CCDC85A: variants seen among roughly 807,000 people sequenced by gnomAD.
CCDC85A encodes the protein coiled-coil domain containing 85A, also known as coiled-coil domain-containing protein 85A.
In CCDC85A, 38 loss-of-function variants were observed where a neutral mutation model predicts 50.2. The ratio of observed to expected loss-of-function variants is 0.76; its 90% CI spans 0.58 to 0.99. The LOEUF is 0.99. Ranked by LOEUF, CCDC85A falls within the 50% of genes least tolerant of loss-of-function variation. The probability of loss-of-function intolerance (pLI) is 0.00; values close to 1 mark genes in which losing one functional copy is unlikely to be tolerated. For synonymous variants in CCDC85A, 366 were observed against 301.4 expected, an observed-to-expected ratio of 1.21 and a Z score of -2.22; for missense variants, 820 against 742.0, an observed-to-expected ratio of 1.11 and a Z score of -1.22.
chr2:56,287,431 C>T (rs971346686), intron 2 of CCDC85A, among the ~76,000 whole-genome samples: 1 of 152,208 alleles, frequency 6.6e-6, no homozygotes, highest in Non-Finnish European at 1.5e-5. Context: ...TTCATCTTGA[C>T]AGTTTCTCTT....
intron 3 of CCDC85A, among the ~76,000 whole-genome samples, chr2:56,367,960 T>TAGCTTGTCCAAAGTCATAC (rs1553418692): frequency 6.6e-6 from 1 of 151,066 alleles, no homozygotes; most frequent in Non-Finnish European, 1.5e-5. Context: ...AAAGGCCATA[T>TAGCTTGTCCAAAGTCATAC]AGCTTGTCCA....
intron 2 of CCDC85A, among the ~76,000 whole-genome samples, chr2:56,287,993 C>G (rs1378499920): frequency 6.6e-6 from 1 of 152,048 alleles, no homozygotes; most frequent in Non-Finnish European, 1.5e-5. Flanking sequence ...TCTGGGGAAG[C>G]TTTGGGGTCT....
chr2:56,229,000 G>T (rs914730655), intron 2 of CCDC85A, among the ~76,000 whole-genome samples: 16 of 152,134 alleles, frequency 1.1e-4, no homozygotes, highest in Non-Finnish European at 7.3e-5. Context: ...ACAGGAACTG[G>T]ATACCTGTGA....
At chr2:56,193,953 G>A (rs889025455) in intron 2 of CCDC85A, among the ~76,000 whole-genome samples, 2 of 152,164 alleles carry the variant, frequency 1.3e-5, no homozygotes, top group Admixed American at 6.5e-5. Context: ...GCTTGATGCT[G>A]GTCTGCCCAA....
At chr2:56,225,831 C>T (rs186049774) in intron 2 of CCDC85A, among the ~76,000 whole-genome samples, 3 of 152,280 alleles carry the variant, frequency 2.0e-5, no homozygotes, top group East Asian at 1.9e-4. Flanking sequence ...TGATCCTGCT[C>T]TTGTCTCAAG....
At chr2:56,351,291 G>A (rs1193923398) in intron 3 of CCDC85A, among the ~76,000 whole-genome samples, 1 of 151,924 alleles carries the variant, frequency 6.6e-6, no homozygotes, top group Non-Finnish European at 1.5e-5. Flanking sequence ...TTGCTATTGT[G>A]AATAGTGCCG....
intron 2 of CCDC85A, among the ~76,000 whole-genome samples, chr2:56,221,218 C>G (rs1228305855): frequency 6.6e-6 from 1 of 152,010 alleles, no homozygotes; most frequent in Non-Finnish European, 1.5e-5. Context: ...ACAAGGTTCT[C>G]TTGGAATTTA....
intron 2 of CCDC85A, among the ~76,000 whole-genome samples, chr2:56,332,015 T>C (rs1422650735): frequency 3.3e-5 from 5 of 151,608 alleles, no homozygotes; most frequent in Admixed American, 6.6e-5. Context: ...CCGCCGTGCA[T>C]TGCACACAGC....
At chr2:56,280,718 G>C (rs1159987585) in intron 2 of CCDC85A, among the ~76,000 whole-genome samples, 1 of 152,120 alleles carries the variant, frequency 6.6e-6, no homozygotes, top group Non-Finnish European at 1.5e-5. Context: ...ATGAGGTGGA[G>C]GTGGGAGGCA....
chr2:56,281,364 G>T (rs1259409564), intron 2 of CCDC85A, among the ~76,000 whole-genome samples: 1 of 151,924 alleles, frequency 6.6e-6, no homozygotes, highest in African/African-American at 2.4e-5. Flanking sequence ...CTAGTTTTTG[G>T]CTGTTCTGAA....
intron 2 of CCDC85A, among the ~76,000 whole-genome samples, chr2:56,228,618 T>C (rs527924760): frequency 6.6e-6 from 1 of 152,170 alleles, no homozygotes; most frequent in South Asian, 2.1e-4. Flanking sequence ...CTGCAAGCTC[T>C]GCCTCCCAGG....
chr2:56,333,333 A>G (rs1278824118), intron 2 of CCDC85A, among the ~76,000 whole-genome samples: 2 of 152,176 alleles, frequency 1.3e-5, no homozygotes, highest in African/African-American at 4.8e-5. Flanking sequence ...AGAGCATTCC[A>G]GGAAGAGGGT....
chr2:56,290,107 C>A (rs1372563261), intron 2 of CCDC85A, among the ~76,000 whole-genome samples: 1 of 152,110 alleles, frequency 6.6e-6, no homozygotes, highest in Non-Finnish European at 1.5e-5. Flanking sequence ...TTCTATAATT[C>A]TCTTCTTTTA....
At chr2:56,320,495 G>C (rs1465148815) in intron 2 of CCDC85A, among the ~76,000 whole-genome samples, 2 of 152,242 alleles carry the variant, frequency 1.3e-5, no homozygotes, top group East Asian at 1.9e-4. Flanking sequence ...ACTACCATCA[G>C]AGAATACTAT....
Position 56,184,301 on chromosome 2 carries a change from C to T in CCDC85A, c.-324C>T. 2 of 645,196 alleles carry T rather than the reference C, an allele frequency of 3.1e-6. No homozygotes were observed. Among genetic ancestry groups the T allele is most frequent in the Middle Eastern group, 6.2e-4 (1 of 1,616 alleles). The allele number at this position is 645,196 out of a possible 1,614,324, so 40.0% of individuals were successfully genotyped here. On this transcript the variant is annotated 5_prime_UTR_variant, in exon 1 of 6. Transcript: ENST00000407595. ...GGCAGGGGAACGGCGGTGCAGCTCC[C>T]CCGCTGTCCCCGAGGATTTCCCGCG...
chr2:56,227,762 A>T (rs538082810), intron 2 of CCDC85A, among the ~76,000 whole-genome samples: 3 of 151,760 alleles, frequency 2.0e-5, no homozygotes, highest in Admixed American at 2.0e-4. Context: ...GTTTATGGTG[A>T]TTATCTGTTG....
intron 2 of CCDC85A, among the ~76,000 whole-genome samples, chr2:56,335,462 G>A (rs1217274314): frequency 1.3e-5 from 2 of 152,132 alleles, no homozygotes; most frequent in Non-Finnish European, 2.9e-5. Flanking sequence ...CAGACTGGGT[G>A]ATTTATAGTG....
chr2:56,343,075 G>T (rs1472899131), intron 3 of CCDC85A, 120 bp downstream of exon 3: 6 of 666,444 alleles, frequency 9.0e-6, no homozygotes, highest in Non-Finnish European at 1.6e-5. Flanking sequence ...TTTGTAAATA[G>T]CCATTCATCA....
chr2:56,363,998 T>C (rs1675665643), intron 3 of CCDC85A, among the ~76,000 whole-genome samples: 2 of 152,320 alleles, frequency 1.3e-5, no homozygotes, highest in South Asian at 4.1e-4. Context: ...TGAAAAGCAA[T>C]TTAGAAGTAT....
Sources: allele counts gnomAD v4.1 joint callset (sites outside exome capture counted in the v4.1 genomes callset), GRCh38; gene constraint gnomAD v4.1.1; transcripts MANE v1.5; gene names NCBI Gene and HGNC (gene_info 2026-07-23, HGNC 2026-07-21).